CIPC: variants seen among roughly 807,000 people sequenced by gnomAD.
CIPC encodes the protein CLOCK-interacting pacemaker.
CIPC carries 12 observed loss-of-function variants against 26.7 expected under a neutral mutation model. That is an observed-to-expected ratio of 0.45 (90% CI 0.29 to 0.73). CIPC has a LOEUF of 0.73. CIPC is among the 30% of genes least tolerant of loss of function. The pLI is 0.12. For missense variants in CIPC, 417 were observed against 486.5 expected (o/e 0.86, Z 1.34); for synonymous variants, 170 against 189.8 (o/e 0.90, Z 0.86).
chr14:77,105,908 C>G, intron 2 of CIPC, 64 bp downstream of exon 2: 1 of 1,586,508 alleles, frequency 6.3e-7, no homozygotes, highest in Non-Finnish European at 8.6e-7. Flanking sequence ...AATTTCCTCC[C>G]CAAAACTCAT....
intron 3 of CIPC, 76 bp downstream of exon 3, chr14:77,110,057 A>G (rs1396818003): frequency 6.3e-6 from 9 of 1,428,492 alleles, no homozygotes; most frequent in Non-Finnish European, 7.7e-6. Flanking sequence ...GAAGAGATTT[A>G]TATTCTCTGC....
intron 1 of CIPC, among the ~76,000 whole-genome samples, chr14:77,101,449 C>A (rs1159099724): frequency 1.3e-5 from 2 of 152,186 alleles, no homozygotes; most frequent in African/African-American, 4.8e-5. Flanking sequence ...TATTTTTAAT[C>A]ATTTTCATAT....
chr14:77,104,892 TG>T (rs1886561357), intron 1 of CIPC, among the ~76,000 whole-genome samples: 1 of 152,218 alleles, frequency 6.6e-6, no homozygotes, highest in Non-Finnish European at 1.5e-5. Flanking sequence ...TGATTTACAA[TG>T]GCATTTGATA....
chr14:77,102,316 G>C (rs1369533282), intron 1 of CIPC, among the ~76,000 whole-genome samples: 1 of 152,144 alleles, frequency 6.6e-6, no homozygotes, highest in African/African-American at 2.4e-5. Context: ...GCAGTGAGCT[G>C]TGTTTGTGGC....
At chr14:77,111,314 A>T (rs1044830427) in intron 3 of CIPC, among the ~76,000 whole-genome samples, 1 of 152,226 alleles carries the variant, frequency 6.6e-6, no homozygotes, top group Non-Finnish European at 1.5e-5. Context: ...TTTAAGACAA[A>T]GACCCGCCAG....
chr14:77,100,883 T>G (rs1768778121), intron 1 of CIPC, among the ~76,000 whole-genome samples: 1 of 152,228 alleles, frequency 6.6e-6, no homozygotes, highest in African/African-American at 2.4e-5. Context: ...TCACTTTCCA[T>G]TATGAGTTTT....
Position 77,114,251 on chromosome 14 carries a change from C to CT in CIPC, c.1136dup (p.Leu379PhefsTer7). ...CAGGCTTGGGCCAAGCTGCAGGCAT[C>CT]TTTAACACCTGGGTCCAGTAATACA... is the stretch of plus-strand genomic sequence containing the variant. On this transcript the variant is annotated frameshift_variant, in exon 4 of 4. Coordinates refer to ENST00000361786, the MANE Select transcript of CIPC (RefSeq NM_033426.3). LOFTEE classifies it low-confidence loss of function (END_TRUNC). 1 of 1,614,082 alleles carries CT rather than the reference C, an allele frequency of 6.2e-7. No homozygotes were observed. The highest frequency in any genetic ancestry group is 8.5e-7 in the Non-Finnish European group (1 of 1,180,016).
chr14:77,101,317 C>T (rs542836708), intron 1 of CIPC, among the ~76,000 whole-genome samples: 23 of 152,228 alleles, frequency 1.5e-4, no homozygotes, highest in Non-Finnish European at 2.8e-4. Flanking sequence ...GCTACTCCTC[C>T]GAAAGAGTAA....
chr14:77,101,924 A>G (rs148680952), intron 1 of CIPC, among the ~76,000 whole-genome samples: 2,911 of 152,206 alleles, frequency 0.019, 41 homozygotes, highest in Non-Finnish European at 0.029. Flanking sequence ...AGTCTCTACA[A>G]AAAATTTAAA....
In CIPC at chr14:77,110,276, C is replaced by G. The variant is rs75330969; in HGVS notation, c.306+295C>G. The stretch of plus-strand genomic sequence containing the variant: ...GACCCTGAAATGTATATAAAGGAAC[C>G]AAGCAGAAATGGCATCACTTCAATG... On this transcript the variant is annotated intron_variant, in intron 3 of 3. Transcript: ENST00000361786. 8.5e-5 allele frequency among the ~76,000 whole-genome samples: 13 copies of G among 152,070 alleles called. No homozygotes were observed. In the East Asian group the frequency reaches 2.5e-3, roughly 29 times the overall value.
intron 2 of CIPC, among the ~76,000 whole-genome samples, chr14:77,108,678 C>T (rs1332819846): frequency 1.3e-5 from 2 of 151,266 alleles, no homozygotes; most frequent in African/African-American, 2.4e-5. Flanking sequence ...GCAACAAGAG[C>T]GAAACTCTGT....
At chr14:77,101,619 A>G (rs12884942) in intron 1 of CIPC, among the ~76,000 whole-genome samples, 29,479 of 152,130 alleles carry the variant, frequency 0.19, 3,199 homozygotes, top group Non-Finnish European at 0.26. Context: ...ACCCTCCCAT[A>G]ACAAAAGACA....
intron 3 of CIPC, among the ~76,000 whole-genome samples, chr14:77,112,404 T>C (rs1244522805): frequency 6.6e-6 from 1 of 152,040 alleles, no homozygotes; most frequent in African/African-American, 2.4e-5. Context: ...GGTTTTAGAG[T>C]CAGACAGAGG....
chr14:77,113,239 GA>G (rs1430237595), intron 3 of CIPC, 185 bp from the exon 4 acceptor site: 12 of 684,800 alleles, frequency 1.8e-5, no homozygotes, highest in Non-Finnish European at 1.8e-5. Context: ...TTTTCCCTTA[GA>G]AAAAGTTTAA....
intron 3 of CIPC, among the ~76,000 whole-genome samples, chr14:77,110,215 GTTGTT>G (rs969369123): frequency 6.6e-6 from 1 of 151,994 alleles, no homozygotes; most frequent in Non-Finnish European, 1.5e-5. Flanking sequence ...AGACAGTTAG[GTTGTT>G]TTATTTCTGT....
chr14:77,115,333 A>G lies in CIPC; in HGVS notation c.*1015A>G, dbSNP rs565423832. On this transcript the variant is annotated 3_prime_UTR_variant, in exon 4 of 4. Coordinates refer to ENST00000361786, the MANE Select transcript of CIPC (RefSeq NM_033426.3). ...GTTGTCTTGAGGGTATGATAAGTCC[A>G]CAAAAAATTGGAAAGCATCTTACCC... 1.3e-5 allele frequency: 2 copies of G among 152,086 alleles called. No homozygotes were observed. The highest frequency in any genetic ancestry group is 3.9e-4 in the East Asian group (2 of 5,184). The allele number at this position is 152,086 out of a possible 1,614,324, so 9.4% of individuals were successfully genotyped here. A position where few individuals can be genotyped will look rare whatever the true frequency, so the allele number is the denominator to read the frequency against.
Position 77,114,174 on chromosome 14 carries a change from G to A in CIPC, c.1056G>A (p.Gln352=). The A allele has an allele frequency of 6.2e-7, 1 of 1,614,144 alleles. No individual in the cohort carries two copies. The highest frequency in any genetic ancestry group is 8.5e-7 in the Non-Finnish European group (1 of 1,180,044). Residue 352 remains glutamine (Q), a synonymous_variant, in exon 4 of 4, where the codon CAG becomes CAA. Transcript: ENST00000361786. ...QNQATQVELD[Q]LKEQTQLFIE... ...AGGCAACTCAGGTAGAACTAGACCA[G>A]CTAAAGGAGCAAACCCAGCTGTTTA...
Position 77,105,691 on chromosome 14 carries a change from C to T in CIPC, c.-18C>T. On this transcript the variant is annotated 5_prime_UTR_variant, in exon 2 of 4. Coordinates refer to ENST00000361786, the MANE Select transcript of CIPC (RefSeq NM_033426.3). ...GATGAAAAGAGTACCAATGAATCTG[C>T]CTCCAGCTGAATAAACCATGGAGAG... 1.9e-6 allele frequency: 3 copies of T among 1,611,438 alleles called. No homozygotes were observed. Among genetic ancestry groups the T allele is most frequent in the Non-Finnish European group, 2.5e-6 (3 of 1,178,944 alleles).
intron 2 of CIPC, among the ~76,000 whole-genome samples, chr14:77,107,331 C>T (rs1217959215): frequency 6.6e-6 from 1 of 152,122 alleles, no homozygotes; most frequent in African/African-American, 2.4e-5. Context: ...GAATATTGTA[C>T]TACTCAGATA....
Sources: gnomAD v4.1 joint callset for allele counts (sites outside exome capture counted in the v4.1 genomes callset) on GRCh38, gnomAD v4.1.1 for gene constraint, MANE v1.5 for transcripts, NCBI Gene and HGNC (gene_info 2026-07-23, HGNC 2026-07-21) for gene names.